Variants in PREP observed in about 807,000 individuals in gnomAD.
The protein encoded by PREP is prolyl endopeptidase.
PREP carries 29 observed loss-of-function variants against 87.6 expected under a neutral mutation model. That is an observed-to-expected ratio of 0.33 (90% confidence interval 0.25 to 0.45). PREP has a LOEUF of 0.45. PREP is among the 20% of genes least tolerant of loss of function. The pLI is 1.00. For missense variants in PREP, 695 were observed against 886.5 expected, an observed-to-expected ratio of 0.78 and a Z score of 2.74; for synonymous variants, 337 against 328.6, an observed-to-expected ratio of 1.03 and a Z score of -0.28.
At chr6:105,306,520 G>A (rs1207921001) in intron 10 of PREP, among the ~76,000 whole-genome samples, 1 of 152,100 alleles carries the variant, frequency 6.6e-6, no homozygotes, top group Admixed American at 6.5e-5. Flanking sequence ...CCCTCTCATA[G>A]TCAAATGCTC....
rs560126024 is a variant in PREP at position 105,339,763 on chromosome 6, C to T, written c.824-6258G>A. ...CATGCACAAGCTTCAGTAGCCGATTCGATCAAGTGGAAGAAAGGGTATCAG... is the reference window on the plus strand; with the variant it reads ...CATGCACAAGCTTCAGTAGCCGATTTGATCAAGTGGAAGAAAGGGTATCAG... On this transcript the variant is annotated intron_variant, in intron 7 of 14. Transcript: ENST00000652536. Among the ~76,000 whole-genome samples the T allele has an allele frequency of 2.2e-3, 337 of 152,090 alleles. 3 individuals are homozygous for T. Among genetic ancestry groups the T allele is most frequent in the African/African-American group, 7.7e-3 (321 of 41,476 alleles).
rs953164628 is a variant in PREP at position 105,285,643 on chromosome 6, C to T, written c.1455-63G>A. On this transcript the variant is annotated intron_variant, in intron 11 of 14. Transcript: ENST00000652536. ...GCCTAGTGAAGACCATGCCCTCTCT[C>T]TCCATCTCAAAAAAGTGTATGCCCA... 11 of 1,363,072 alleles carry T rather than the reference C, an allele frequency of 8.1e-6. No individual in the cohort carries two copies. The African/African-American group carries it at 1.0e-4, about 12-fold the overall frequency. 84.4% of individuals were successfully genotyped at this position (1,363,072 alleles called of 1,614,324 possible). A position where few individuals can be genotyped will look rare whatever the true frequency, so the allele number is the denominator to read the frequency against.
At chr6:105,357,808 T>G in intron 6 of PREP, among the ~76,000 whole-genome samples, 1 of 152,064 alleles carries the variant, frequency 6.6e-6, no homozygotes, top group Admixed American at 6.6e-5. Flanking sequence ...AGAATAAAGT[T>G]ACTTTCCTAA....
intron 10 of PREP, among the ~76,000 whole-genome samples, chr6:105,300,352 C>A (rs558498232): frequency 6.6e-6 from 1 of 152,130 alleles, no homozygotes; most frequent in Non-Finnish European, 1.5e-5. Flanking sequence ...ATCTTGAAGA[C>A]AGATTATTAA....
chr6:105,305,959 C>T (rs889091757), intron 10 of PREP, among the ~76,000 whole-genome samples: 10 of 151,812 alleles, frequency 6.6e-5, no homozygotes, highest in Admixed American at 2.6e-4. Flanking sequence ...CTTGTGCCTC[C>T]GTCTCCTGAG....
At chr6:105,388,495 G>A (rs1773059116) in intron 2 of PREP, among the ~76,000 whole-genome samples, 1 of 150,196 alleles carries the variant, frequency 6.7e-6, no homozygotes, top group South Asian at 2.1e-4. Context: ...GGGGGTGGGG[G>A]TGGGGAGAAA....
At chr6:105,369,343 T>C (rs1303170200) in intron 5 of PREP, among the ~76,000 whole-genome samples, 1 of 152,234 alleles carries the variant, frequency 6.6e-6, no homozygotes, top group African/African-American at 2.4e-5. Flanking sequence ...CTAGTCCATG[T>C]TCATGGATAG....
intron 2 of PREP, among the ~76,000 whole-genome samples, chr6:105,386,991 T>C (rs1376649099): frequency 6.6e-6 from 1 of 152,166 alleles, no homozygotes. Flanking sequence ...GGTGGGCGGA[T>C]CACTTGAGGT....
chr6:105,297,070 C>A lies in PREP; in HGVS notation c.1318-8176G>T, dbSNP rs185013157. Among the ~76,000 whole-genome samples the A allele has an allele frequency of 2.6e-3, 402 of 152,348 alleles. 1 individual carries two copies. Among genetic ancestry groups the A allele is most frequent in the Admixed American group, 4.5e-3 (69 of 15,312 alleles). ...ACATCTCCAAATCAACGTGCCCAGA[C>A]ACACCTGTGTACATGCTCCTCCATG... On this transcript the variant is annotated intron_variant, in intron 10 of 14. Coordinates refer to ENST00000652536, the MANE Select transcript of PREP (RefSeq NM_002726.5).
At chr6:105,358,666 G>A (rs1279905462) in intron 6 of PREP, among the ~76,000 whole-genome samples, 2 of 152,038 alleles carry the variant, frequency 1.3e-5, no homozygotes, top group South Asian at 2.1e-4. Context: ...AAGGTGGGAG[G>A]AGCACTCACC....
intron 7 of PREP, among the ~76,000 whole-genome samples, chr6:105,342,075 C>A (rs558637196): frequency 6.6e-6 from 1 of 152,186 alleles, no homozygotes; most frequent in South Asian, 2.1e-4. Context: ...GGCAGAGACA[C>A]AACAAAAAAA....
intron 1 of PREP, 120 bp downstream of exon 1, chr6:105,402,727 G>A: frequency 3.2e-6 from 3 of 926,044 alleles, no homozygotes; most frequent in Non-Finnish European, 4.6e-6. Flanking sequence ...CAAAGGCCGA[G>A]GGGGAGGGGA....
chr6:105,278,946 G>A lies in PREP; in HGVS notation c.1839-508C>T, dbSNP rs1770009194. On this transcript the variant is annotated intron_variant, in intron 14 of 14. Transcript: ENST00000652536. The surrounding 1 kb of genome is among the most constrained non-coding windows in gnomAD (Gnocchi z 4.2). Reference sequence around the variant, plus strand: ...CTTAGGAAAAGCACATGTCCTCTCTGGGCCTAGTTTCTTTGTAAACCGAGA... The same window carrying A: ...CTTAGGAAAAGCACATGTCCTCTCTAGGCCTAGTTTCTTTGTAAACCGAGA... 1 of 152,264 alleles carries A rather than the reference G, an allele frequency of 6.6e-6. No individual in the cohort carries two copies. Among genetic ancestry groups the A allele is most frequent in the Non-Finnish European group, 1.5e-5 (1 of 68,158 alleles). 9.4% of individuals were successfully genotyped at this position (152,264 alleles called of 1,614,324 possible). A position where few individuals can be genotyped will look rare whatever the true frequency, so the allele number is the denominator to read the frequency against.
Position 105,322,299 on chromosome 6 carries a change from T to A in PREP, c.1317+1366A>T, listed in dbSNP as rs14289. ...CTGTTACATTTATTTCTAACGTTGA[T>A]TGAAAAAAATAGATTATATTCTATT... On this transcript the variant is annotated intron_variant, in intron 10 of 14. Transcript: ENST00000652536. 8,477 of 917,918 alleles carry A rather than the reference T, an allele frequency of 9.2e-3. 355 individuals are homozygous for A. In the African/African-American group the frequency reaches 0.11, roughly 12 times the overall value. The allele number at this position is 917,918 out of a possible 1,614,324, so 56.9% of individuals were successfully genotyped here. A position where few individuals can be genotyped will look rare whatever the true frequency, so the allele number is the denominator to read the frequency against.
intron 10 of PREP, among the ~76,000 whole-genome samples, chr6:105,297,208 G>A (rs1162159503): frequency 6.6e-6 from 1 of 152,178 alleles, no homozygotes; most frequent in Non-Finnish European, 1.5e-5. Context: ...TGGTCATTTG[G>A]TTTCACAAGC....
chr6:105,376,824 A>G (rs1272326931), intron 3 of PREP, among the ~76,000 whole-genome samples: 1 of 152,228 alleles, frequency 6.6e-6, no homozygotes, highest in East Asian at 1.9e-4. Flanking sequence ...ATAGGTAGGC[A>G]GCCAGGGTTT....
At chr6:105,307,220 T>C (rs888847300) in intron 10 of PREP, among the ~76,000 whole-genome samples, 1 of 152,186 alleles carries the variant, frequency 6.6e-6, no homozygotes, top group Non-Finnish European at 1.5e-5. Flanking sequence ...AAGTAGCTTG[T>C]TTCTTGCATT....
intron 2 of PREP, among the ~76,000 whole-genome samples, chr6:105,389,129 A>T (rs1773075398): frequency 6.6e-6 from 1 of 152,264 alleles, no homozygotes; most frequent in Admixed American, 6.5e-5. Flanking sequence ...GACTAGAGTC[A>T]GAAAGTATGT....
intron 10 of PREP, among the ~76,000 whole-genome samples, chr6:105,293,478 A>C (rs1356525495): frequency 1.3e-5 from 2 of 152,174 alleles, no homozygotes; most frequent in African/African-American, 4.8e-5. Context: ...ATAATAATGA[A>C]AAGCTTTGAA....
Sources: allele counts gnomAD v4.1 joint callset (sites outside exome capture counted in the v4.1 genomes callset), GRCh38; gene constraint gnomAD v4.1.1; non-coding constraint Gnocchi (gnomAD v3.1); transcripts MANE v1.5; gene names NCBI Gene and HGNC (gene_info 2026-07-23, HGNC 2026-07-21).